Variants in PLBD2 observed in about 807,000 individuals in gnomAD.
The protein encoded by PLBD2 is phospholipase B domain containing 2, also known as putative aminopeptidase PLBD2.
In PLBD2, 51 loss-of-function variants were observed where a neutral mutation model predicts 68.3. That is an observed-to-expected ratio of 0.75 (90% CI 0.60 to 0.94). The LOEUF (loss-of-function observed/expected upper bound fraction) is 0.94, where lower values mean the gene tolerates loss of function less well. Among genes scored for constraint, PLBD2 ranks in the 40% least tolerant of loss-of-function variants. The pLI is 0.00. For synonymous variants in PLBD2, 314 were observed against 339.3 expected (o/e 0.93, Z 0.82); for missense variants, 729 against 792.2 (o/e 0.92, Z 0.96).
Position 113,384,837 on chromosome 12 carries a change from C to G in PLBD2, c.1119-14C>G. The G allele has an allele frequency of 6.2e-7, 1 of 1,611,858 alleles. No homozygotes were observed. Among genetic ancestry groups the G allele is most frequent in the South Asian group, 1.1e-5 (1 of 90,930 alleles). The stretch of plus-strand genomic sequence containing the variant: ...TCCAGGCTCTGTTCAGTCCTCCCTT[C>G]CCCTGCCCGGCAGGTATAACAACCA... On this transcript the variant is annotated splice_polypyrimidine_tract_variant and intron_variant, in intron 7 of 11. Coordinates refer to ENST00000280800, the MANE Select transcript of PLBD2 (RefSeq NM_173542.4). This position sits in a 1 kb window ranked among gnomAD's most constrained non-coding sequence, Gnocchi z 4.2.
chr12:113,363,828 C>T (rs889716020), intron 1 of PLBD2, among the ~76,000 whole-genome samples: 1 of 152,228 alleles, frequency 6.6e-6, no homozygotes, highest in Non-Finnish European at 1.5e-5. Context: ...TGAGCCACTG[C>T]ACCCGGACTT....
chr12:113,364,923 A>G (rs1957329156), intron 1 of PLBD2, among the ~76,000 whole-genome samples: 1 of 152,170 alleles, frequency 6.6e-6, no homozygotes, highest in South Asian at 2.1e-4. Flanking sequence ...AAGGTACACA[A>G]CCAGTAAGGG....
At chr12:113,374,624 CAT>C in intron 4 of PLBD2, 50 bp downstream of exon 4, 1 of 1,498,658 alleles carries the variant, frequency 6.7e-7, no homozygotes, top group Non-Finnish European at 9.1e-7. Flanking sequence ...GCCACACACT[CAT>C]AGTCGGACAG....
intron 5 of PLBD2, among the ~76,000 whole-genome samples, chr12:113,377,672 C>T (rs1344283037): frequency 2.6e-5 from 4 of 152,096 alleles, no homozygotes; most frequent in East Asian, 1.9e-4. Flanking sequence ...GTGATCCAAC[C>T]GCCTGTCCTG....
chr12:113,372,499 G>T lies in PLBD2; in HGVS notation c.385-150G>T. ...CCTATCCGGGGCAGAGCTGGGCAGG[G>T]AGAGGAGCCTCCAGGGAGAGGACAG... On this transcript the variant is annotated intron_variant, in intron 2 of 11. Transcript: ENST00000280800. The surrounding 1 kb of genome is among the most constrained non-coding windows in gnomAD (Gnocchi z 4.2). The T allele has an allele frequency of 2.4e-6, 2 of 850,012 alleles. No individual in the cohort carries two copies. Among genetic ancestry groups the T allele is most frequent in the South Asian group, 3.3e-5 (2 of 60,130 alleles). 52.7% of individuals were successfully genotyped at this position (850,012 alleles called of 1,614,324 possible).
chr12:113,370,472 CTTTT>C (rs71086162), intron 2 of PLBD2, among the ~76,000 whole-genome samples: 7 of 103,640 alleles, frequency 6.8e-5, no homozygotes, highest in African/African-American at 2.6e-4. Context: ...TTTTTCTTTT[CTTTT>C]TTTTTTTTTT....
At chr12:113,388,295 T>C (rs1957573669) in intron 11 of PLBD2, among the ~76,000 whole-genome samples, 164 bp from the exon 12 acceptor site, 1 of 150,646 alleles carries the variant, frequency 6.6e-6, no homozygotes, top group Non-Finnish European at 1.5e-5. Context: ...TGAGCCAAGA[T>C]CACGTCACTG....
At chr12:113,386,637 G>C (rs760685874) in intron 9 of PLBD2, among the ~76,000 whole-genome samples, 5 of 151,862 alleles carry the variant, frequency 3.3e-5, no homozygotes, top group Admixed American at 1.3e-4. Context: ...ACATGCCTCA[G>C]CCTCCCGAGT....
chr12:113,379,067 G>A lies in PLBD2; in HGVS notation c.860-1678G>A, dbSNP rs1957459808. ...CTCATGCCTATAATTCTAGCACTTT[G>A]GGAGGCCGAGGCTGGTGGATCACTT... is the stretch of plus-strand genomic sequence containing the variant. On this transcript the variant is annotated intron_variant, in intron 5 of 11. Coordinates refer to ENST00000280800, the MANE Select transcript of PLBD2 (RefSeq NM_173542.4). 6.6e-5 allele frequency among the ~76,000 whole-genome samples: 10 copies of A among 152,236 alleles called. No homozygotes were observed. The South Asian group carries it at 1.9e-3, about 28-fold the overall frequency.
At chr12:113,361,003 A>G (rs1957288063) in intron 1 of PLBD2, among the ~76,000 whole-genome samples, 1 of 152,062 alleles carries the variant, frequency 6.6e-6, no homozygotes, top group Non-Finnish European at 1.5e-5. Flanking sequence ...TGAGGCTCTG[A>G]TGCAGGGAAA....
Position 113,387,725 on chromosome 12 carries a change from C to T in PLBD2, c.1440-19C>T, listed in dbSNP as rs1008832739. ...CTCCTTCCTGGGATGACTGATGTTCCCTCCTTTTCCCCATCCAGGTACAAT... is the reference window on the plus strand; with the variant it reads ...CTCCTTCCTGGGATGACTGATGTTCTCTCCTTTTCCCCATCCAGGTACAAT... On this transcript the variant is annotated intron_variant, in intron 10 of 11. Coordinates refer to ENST00000280800, the MANE Select transcript of PLBD2 (RefSeq NM_173542.4). The T allele has an allele frequency of 6.2e-7, 1 of 1,609,766 alleles. No individual in the cohort carries two copies. The highest frequency in any genetic ancestry group is 8.5e-7 in the Non-Finnish European group (1 of 1,176,458).
Position 113,372,922 on chromosome 12 carries a change from C to A in PLBD2, c.543+115C>A. ...CCAGCTGCCCAGCCGCCTCTGTTTC[C>A]ATCATCATCTCCATCCCTCCTAGCC... On this transcript the variant is annotated intron_variant, in intron 3 of 11. Coordinates refer to ENST00000280800, the MANE Select transcript of PLBD2 (RefSeq NM_173542.4). The surrounding 1 kb of genome is among the most constrained non-coding windows in gnomAD (Gnocchi z 4.2). 8.2e-7 allele frequency: 1 copy of A among 1,220,956 alleles called. No homozygotes were observed. The highest frequency in any genetic ancestry group is 1.1e-6 in the Non-Finnish European group (1 of 878,280). The allele number at this position is 1,220,956 out of a possible 1,614,324, so 75.6% of individuals were successfully genotyped here. A position where few individuals can be genotyped will look rare whatever the true frequency, so the allele number is the denominator to read the frequency against.
At chr12:113,365,519 A>G (rs1212874915) in intron 1 of PLBD2, among the ~76,000 whole-genome samples, 10 of 151,864 alleles carry the variant, frequency 6.6e-5, no homozygotes, top group South Asian at 2.1e-4. Context: ...TCACCATGTT[A>G]GCCAGGCTGG....
At chr12:113,362,218 G>T (rs939197030) in intron 1 of PLBD2, among the ~76,000 whole-genome samples, 2 of 152,028 alleles carry the variant, frequency 1.3e-5, no homozygotes, top group Non-Finnish European at 2.9e-5. Context: ...GTGTGGTTGC[G>T]CATGCCTGTG....
At chr12:113,380,587 T>C (rs973427657) in intron 5 of PLBD2, among the ~76,000 whole-genome samples, 158 bp from the exon 6 acceptor site, 1 of 152,226 alleles carries the variant, frequency 6.6e-6, no homozygotes, top group Non-Finnish European at 1.5e-5. Context: ...CACTTTTATA[T>C]GCCCAATGAC....
At chr12:113,375,439 A>T (rs1329143696) in intron 5 of PLBD2, among the ~76,000 whole-genome samples, 1 of 152,222 alleles carries the variant, frequency 6.6e-6, no homozygotes, top group Non-Finnish European at 1.5e-5. Context: ...TATGTGAGCC[A>T]CCACGCCTAG....
chr12:113,361,154 CTG>C (rs1037823083), intron 1 of PLBD2, among the ~76,000 whole-genome samples: 3 of 151,834 alleles, frequency 2.0e-5, no homozygotes, highest in African/African-American at 7.3e-5. Context: ...GTGGGGGACT[CTG>C]TGTCTTATTT....
chr12:113,367,385 A>AT (rs1367658609), intron 1 of PLBD2, among the ~76,000 whole-genome samples: 28 of 152,334 alleles, frequency 1.8e-4, no homozygotes, highest in African/African-American at 6.3e-4. Context: ...AAGTTTGCTC[A>AT]TTGTAGAGAC....
chr12:113,358,620 G>T lies in PLBD2; in HGVS notation c.20G>T (p.Cys7Phe). 1 of 1,468,864 alleles carries T rather than the reference G, an allele frequency of 6.8e-7. No individual in the cohort carries two copies. The allele number at this position is 1,468,864 out of a possible 1,614,324, so 91.0% of individuals were successfully genotyped here. The change falls in exon 1 of 12, where the codon TGC (cysteine) becomes TTC (phenylalanine). Residue 7 changes from cysteine (C) to phenylalanine (F), a missense_variant. Cys to Phe is a radical substitution (Grantham distance 205, BLOSUM62 -2). Transcript: ENST00000280800. MVGQMY[C>F]YPGSHLARAL... Reference sequence around the variant, plus strand: ...GCGGTCATGGTGGGCCAGATGTACTGCTACCCCGGCAGCCACCTGGCCCGG... The same window carrying T: ...GCGGTCATGGTGGGCCAGATGTACTTCTACCCCGGCAGCCACCTGGCCCGG...
Sources: gnomAD v4.1 joint callset for allele counts (sites outside exome capture counted in the v4.1 genomes callset) on GRCh38, gnomAD v4.1.1 for gene constraint, Gnocchi (gnomAD v3.1) non-coding constraint, MANE v1.5 for transcripts, NCBI Gene and HGNC (gene_info 2026-07-23, HGNC 2026-07-21) for gene names.